The following XKR6 variants were observed in gnomAD, a reference collection of about 807,000 sequenced individuals.
XKR6 encodes the protein XK-related protein 6.
XKR6 carries 22 observed loss-of-function variants against 56.7 expected under a neutral mutation model. That is an observed-to-expected ratio of 0.39 (90% CI 0.28 to 0.55). The LOEUF is 0.55. Ranked by LOEUF, XKR6 falls within the 20% of genes least tolerant of loss-of-function variation. The probability of loss-of-function intolerance (pLI) is 0.66; values close to 1 mark genes in which losing one functional copy is unlikely to be tolerated. For synonymous variants in XKR6, 524 were observed against 387.8 expected (o/e 1.35, Z -4.13); for missense variants, 852 against 889.0 (o/e 0.96, Z 0.53).
intron 1 of XKR6, among the ~76,000 whole-genome samples, chr8:11,135,256 C>A (rs1428822285): frequency 1.3e-5 from 2 of 152,118 alleles, no homozygotes; most frequent in South Asian, 2.1e-4. Flanking sequence ...GTCTTGATCT[C>A]CTGACCTCGT....
At chr8:10,951,850 G>C (rs1801734716) in intron 1 of XKR6, among the ~76,000 whole-genome samples, 2 of 152,126 alleles carry the variant, frequency 1.3e-5, no homozygotes, top group East Asian at 1.9e-4. Flanking sequence ...ACCAAGGAGG[G>C]GGCAGGGGTG....
At chr8:11,081,942 G>T (rs1287979081) in intron 1 of XKR6, among the ~76,000 whole-genome samples, 1 of 152,198 alleles carries the variant, frequency 6.6e-6, no homozygotes, top group Non-Finnish European at 1.5e-5. Context: ...GGCAGTGGGT[G>T]GTTCACGGTT....
At chr8:11,181,761 G>A (rs1357629994) in intron 1 of XKR6, among the ~76,000 whole-genome samples, 2 of 152,172 alleles carry the variant, frequency 1.3e-5, no homozygotes, top group African/African-American at 2.4e-5. Context: ...CTTACTATAT[G>A]CATCAAGCAC....
At chr8:10,923,149 G>C (rs1433576663) in intron 2 of XKR6, among the ~76,000 whole-genome samples, 1 of 152,242 alleles carries the variant, frequency 6.6e-6, no homozygotes, top group Non-Finnish European at 1.5e-5. Flanking sequence ...GGTTGTGGCT[G>C]CCTTGAGCAT....
In XKR6 at chr8:11,171,465, G is replaced by A. The variant is rs771751227; in HGVS notation, c.764+29111C>T. Among the ~76,000 whole-genome samples, 3 of 152,324 alleles carry A rather than the reference G, an allele frequency of 2.0e-5. No homozygotes were observed. The South Asian group carries it at 6.2e-4, about 32-fold the overall frequency. ...TCATCTCCAGTACTGGGGCCTGACA[G>A]GAGGTGTTTGGGTCATGGGGGCAGA... On this transcript the variant is annotated intron_variant, in intron 1 of 2. Transcript: ENST00000416569.
chr8:11,176,713 C>G (rs73530579), intron 1 of XKR6, among the ~76,000 whole-genome samples: 9,268 of 151,936 alleles, frequency 0.061, 828 homozygotes, highest in African/African-American at 0.2. Context: ...TAGGCCCCAT[C>G]AGCAGTTAGG....
chr8:11,095,843 C>A (rs1798249987), intron 1 of XKR6, among the ~76,000 whole-genome samples: 1 of 152,152 alleles, frequency 6.6e-6, no homozygotes, highest in South Asian at 2.1e-4. Context: ...ACATTTAATT[C>A]ATGGTTGTAT....
At chr8:11,030,393 T>G (rs1246391118) in intron 1 of XKR6, among the ~76,000 whole-genome samples, 1 of 152,234 alleles carries the variant, frequency 6.6e-6, no homozygotes, top group Non-Finnish European at 1.5e-5. Context: ...AGGCCTCTCT[T>G]GGTAGCTGGT....
chr8:11,009,787 T>C (rs1430759836), intron 1 of XKR6, among the ~76,000 whole-genome samples: 1 of 152,208 alleles, frequency 6.6e-6, no homozygotes, highest in East Asian at 1.9e-4. Flanking sequence ...AAGCATGGAC[T>C]TTAATTAACA....
At chr8:11,107,319 C>T (rs969610978) in intron 1 of XKR6, among the ~76,000 whole-genome samples, 1 of 152,080 alleles carries the variant, frequency 6.6e-6, no homozygotes, top group Non-Finnish European at 1.5e-5. Context: ...CCTGCCTCAG[C>T]CTCTCAAACA....
intron 1 of XKR6, among the ~76,000 whole-genome samples, chr8:10,995,404 T>C (rs564346076): frequency 4.1e-5 from 6 of 147,890 alleles, no homozygotes; most frequent in African/African-American, 1.2e-4. Flanking sequence ...AGTAGATATA[T>C]ATATCTACTA....
At chr8:11,080,072 C>T (rs759474417) in intron 1 of XKR6, among the ~76,000 whole-genome samples, 10 of 151,930 alleles carry the variant, frequency 6.6e-5, no homozygotes, top group Non-Finnish European at 1.5e-4. Flanking sequence ...AGGGTGCATG[C>T]TTGAGATCAG....
intron 1 of XKR6, among the ~76,000 whole-genome samples, chr8:11,183,229 T>A (rs769220553): frequency 6.6e-6 from 1 of 152,214 alleles, no homozygotes; most frequent in Non-Finnish European, 1.5e-5. Flanking sequence ...CAGCCCGAAT[T>A]GAAACTGCTG....
At chr8:11,084,518 C>G (rs985427265) in intron 1 of XKR6, among the ~76,000 whole-genome samples, 1 of 152,132 alleles carries the variant, frequency 6.6e-6, no homozygotes, top group Non-Finnish European at 1.5e-5. Flanking sequence ...AATATTTATT[C>G]AGAAAGCACT....
At chr8:11,177,531 T>C (rs910188014) in intron 1 of XKR6, among the ~76,000 whole-genome samples, 1 of 152,112 alleles carries the variant, frequency 6.6e-6, no homozygotes, top group Non-Finnish European at 1.5e-5. Flanking sequence ...AATTTGGAAA[T>C]AGGGTCACTG....
chr8:11,154,318 A>G (rs1378698872), intron 1 of XKR6, among the ~76,000 whole-genome samples: 1 of 152,234 alleles, frequency 6.6e-6, no homozygotes, highest in Non-Finnish European at 1.5e-5. Context: ...GACACCAAAA[A>G]TCAGAAGAGA....
Position 10,984,695 on chromosome 8 carries a change from G to GCTCGCTCTCTCT in XKR6, c.765-59866_765-59865insAGAGAGAGCGAG, listed in dbSNP as rs1491394669. 6.4e-4 allele frequency among the ~76,000 whole-genome samples: 36 copies of GCTCGCTCTCTCT among 56,324 alleles called. 2 individuals are homozygous for GCTCGCTCTCTCT. Among genetic ancestry groups the GCTCGCTCTCTCT allele is most frequent in the Non-Finnish European group, 1.1e-3 (31 of 27,416 alleles). 37.0% of individuals were successfully genotyped at this position (56,324 alleles called of 152,430 possible). On this transcript the variant is annotated intron_variant, in intron 1 of 2. Transcript: ENST00000416569. ...AGTAACACAAAAGATAAAATACATG[G>GCTCGCTCTCTCT]CTCTCTCTCTCTCTCTCTCTCTCTC... is the stretch of plus-strand genomic sequence containing the variant.
intron 1 of XKR6, among the ~76,000 whole-genome samples, chr8:11,171,700 C>T (rs1802378821): frequency 1.3e-5 from 2 of 152,102 alleles, no homozygotes; most frequent in Non-Finnish European, 1.5e-5. Flanking sequence ...ACGCCAGGGC[C>T]GTGCTTCTTG....
At chr8:11,056,932 G>A (rs976774301) in intron 1 of XKR6, among the ~76,000 whole-genome samples, 19 of 152,110 alleles carry the variant, frequency 1.2e-4, no homozygotes, top group African/African-American at 4.1e-4. Context: ...CCCAGTCCAG[G>A]CTAAGAAACC....
Sources: gnomAD v4.1 joint callset for allele counts (sites outside exome capture counted in the v4.1 genomes callset) on GRCh38, gnomAD v4.1.1 for gene constraint, MANE v1.5 for transcripts, NCBI Gene and HGNC (gene_info 2026-07-23, HGNC 2026-07-21) for gene names.